Variants in GALNT3 observed in about 807,000 individuals in gnomAD.
GALNT3 encodes the protein polypeptide N-acetylgalactosaminyltransferase 3, also known as GalNAc transferase 3.
GALNT3 carries 51 observed loss-of-function variants against 69.8 expected under a neutral mutation model. The ratio of observed to expected loss-of-function variants is 0.73; its 90% CI spans 0.58 to 0.92. GALNT3 has a LOEUF of 0.92. Ranked by LOEUF, GALNT3 falls within the 40% of genes least tolerant of loss-of-function variation. GALNT3 has a pLI of 0.00. For synonymous variants in GALNT3, 265 were observed against 248.5 expected (o/e 1.07, Z -0.63); for missense variants, 711 against 760.0 (o/e 0.94, Z 0.76).
intron 1 of GALNT3, among the ~76,000 whole-genome samples, chr2:165,791,558 T>C (rs1374973841): frequency 6.6e-6 from 1 of 152,096 alleles, no homozygotes; most frequent in African/African-American, 2.4e-5. Flanking sequence ...AAATTAGTTA[T>C]TGAGGATTGC....
At chr2:165,764,822 G>C in intron 3 of GALNT3, 62 bp downstream of exon 3, 6 of 1,541,996 alleles carry the variant, frequency 3.9e-6, no homozygotes, top group Non-Finnish European at 5.4e-6. Flanking sequence ...ACATAACCAA[G>C]TAGACTGTAG....
At chr2:165,783,035 T>C (rs1460445889) in intron 1 of GALNT3, among the ~76,000 whole-genome samples, 1 of 152,216 alleles carries the variant, frequency 6.6e-6, no homozygotes, top group Admixed American at 6.5e-5. Flanking sequence ...CTGATACCTC[T>C]ATGGCCCAGC....
chr2:165,787,311 G>C (rs895312483), intron 1 of GALNT3, among the ~76,000 whole-genome samples: 1 of 152,234 alleles, frequency 6.6e-6, no homozygotes, highest in East Asian at 1.9e-4. Flanking sequence ...AGAAGGAACA[G>C]AGCAATATAA....
At chr2:165,751,003 TC>T (rs1422279825) in intron 9 of GALNT3, among the ~76,000 whole-genome samples, 1 of 152,126 alleles carries the variant, frequency 6.6e-6, no homozygotes, top group East Asian at 1.9e-4. Flanking sequence ...TTTTCAAGGT[TC>T]CCATAGTACA....
rs557937216 is a variant in GALNT3, at chr2:165,770,300, C to T, written c.401G>A (p.Ser134Asn). 3.7e-6 allele frequency: 6 copies of T among 1,614,150 alleles called. No homozygotes were observed. In the Admixed American group the frequency reaches 1.0e-4, roughly 27 times the overall value. ...TTCCTTTTCCTTTTGCTCTTCAACA[C>T]TTAAATTGGTTGTCTTGAATGCTTT... ...SGKAFKTTNL[S>N]VEEQKEKERG... Residue 134 changes from serine (S) to asparagine (N), a missense_variant, in exon 2 of 11, where the codon AGT (serine) becomes AAT (asparagine). Coordinates refer to ENST00000392701, the MANE Select transcript of GALNT3 (RefSeq NM_004482.4).
intron 9 of GALNT3, among the ~76,000 whole-genome samples, chr2:165,750,151 G>T (rs1406592228): frequency 1.3e-5 from 2 of 152,088 alleles, no homozygotes; most frequent in Non-Finnish European, 2.9e-5. Context: ...TTATCAAGGA[G>T]AGTGGAGGCT....
chr2:165,772,448 G>A (rs1232095939), intron 1 of GALNT3, among the ~76,000 whole-genome samples: 2 of 152,008 alleles, frequency 1.3e-5, no homozygotes, highest in Admixed American at 1.3e-4. Context: ...AGTCAAATGT[G>A]GTGGTGCACG....
chr2:165,781,805 TACG>T, intron 1 of GALNT3, among the ~76,000 whole-genome samples: 1 of 152,174 alleles, frequency 6.6e-6, no homozygotes, highest in East Asian at 1.9e-4. Flanking sequence ...TGTGAAATGT[TACG>T]ATGATTAAGA....
chr2:165,763,328 C>A (rs1256951293), intron 3 of GALNT3, among the ~76,000 whole-genome samples: 2 of 152,082 alleles, frequency 1.3e-5, no homozygotes, highest in Non-Finnish European at 2.9e-5. Flanking sequence ...GATAATATAA[C>A]CTTTTTTTCA....
chr2:165,776,695 A>G (rs1458207253), intron 1 of GALNT3, among the ~76,000 whole-genome samples: 1 of 152,206 alleles, frequency 6.6e-6, no homozygotes, highest in Non-Finnish European at 1.5e-5. Context: ...ATTAATAAAA[A>G]TATTCATAAA....
rs764145935 is a variant in GALNT3, at chr2:165,770,298, C to T, written c.403G>A (p.Val135Ile). 5 of 1,614,028 alleles carry T rather than the reference C, an allele frequency of 3.1e-6. No homozygotes were observed. Among genetic ancestry groups the T allele is most frequent in the Non-Finnish European group, 4.2e-6 (5 of 1,180,042 alleles). ...GKAFKTTNLSVEEQKEKERGE... is the reference protein window; with the variant it reads ...GKAFKTTNLSIEEQKEKERGE... The stretch of plus-strand genomic sequence containing the variant: ...CGTTCCTTTTCCTTTTGCTCTTCAA[C>T]ACTTAAATTGGTTGTCTTGAATGCT... The change falls in exon 2 of 11, where the codon GTT becomes ATT. Residue 135 changes from valine to isoleucine, a missense_variant. By Grantham distance (29) the Val-to-Ile change is conservative. Coordinates refer to ENST00000392701, the MANE Select transcript of GALNT3 (RefSeq NM_004482.4).
chr2:165,757,439 A>C (rs897693932), intron 6 of GALNT3, among the ~76,000 whole-genome samples, 192 bp from the exon 7 acceptor site: 2 of 152,240 alleles, frequency 1.3e-5, no homozygotes, highest in African/African-American at 4.8e-5. Context: ...AATGGCATAG[A>C]CACTAAAGAC....
At chr2:165,760,806 C>G (rs1688531691) in intron 4 of GALNT3, among the ~76,000 whole-genome samples, 1 of 152,056 alleles carries the variant, frequency 6.6e-6, no homozygotes, top group South Asian at 2.1e-4. Flanking sequence ...AAAGTATAGC[C>G]CACTAAACTC....
chr2:165,770,559 C>CT lies in GALNT3; in HGVS notation c.141dup (p.Glu48ArgfsTer27). 1 of 1,613,722 alleles carries CT rather than the reference C, an allele frequency of 6.2e-7. No individual in the cohort carries two copies. The highest frequency in any genetic ancestry group is 8.5e-7 in the Non-Finnish European group (1 of 1,179,848). On this transcript the variant is annotated frameshift_variant, in exon 2 of 11. Coordinates refer to ENST00000392701, the MANE Select transcript of GALNT3 (RefSeq NM_004482.4). LOFTEE classifies it high-confidence loss of function. ...ATGTTCCTTTCCATCCTTGATTCCT[C>CT]TTTGGAATATTGAACACTTACTTCT...
At chr2:165,779,921 A>G (rs1030850359) in intron 1 of GALNT3, among the ~76,000 whole-genome samples, 1 of 152,206 alleles carries the variant, frequency 6.6e-6, no homozygotes, top group Non-Finnish European at 1.5e-5. Flanking sequence ...ATGTCAAGGA[A>G]GGGCAAATCC....
chr2:165,765,637 C>T (rs1359476020), intron 2 of GALNT3, among the ~76,000 whole-genome samples: 2 of 151,908 alleles, frequency 1.3e-5, no homozygotes, highest in Non-Finnish European at 2.9e-5. Context: ...TACAGGCGCC[C>T]ACCACCACAC....
intron 1 of GALNT3, among the ~76,000 whole-genome samples, chr2:165,775,172 T>C (rs1688824797): frequency 6.6e-6 from 1 of 152,104 alleles, no homozygotes; most frequent in African/African-American, 2.4e-5. Flanking sequence ...AAGTTCAATG[T>C]AAAATCCTGA....
chr2:165,762,338 A>G (rs1688566795), intron 3 of GALNT3, among the ~76,000 whole-genome samples: 1 of 152,254 alleles, frequency 6.6e-6, no homozygotes, highest in South Asian at 2.1e-4. Flanking sequence ...GAGAAACTTC[A>G]AATGGAGTCA....
At chr2:165,761,718 A>C (rs1455640577) in intron 4 of GALNT3, 187 bp downstream of exon 4, 6 of 729,576 alleles carry the variant, frequency 8.2e-6, no homozygotes, top group Non-Finnish European at 1.5e-5. Flanking sequence ...AGAATTCTGC[A>C]TAAGTGAAAG....
Sources: allele counts gnomAD v4.1 joint callset (sites outside exome capture counted in the v4.1 genomes callset), GRCh38; gene constraint gnomAD v4.1.1; transcripts MANE v1.5; gene names NCBI Gene and HGNC (gene_info 2026-07-23, HGNC 2026-07-21).